Variants in APLF observed in about 807,000 individuals in gnomAD.
The protein encoded by APLF is aprataxin and PNKP like factor.
Under a neutral mutation model 55.6 loss-of-function variants are expected in APLF, and 61 were observed. The ratio of observed to expected loss-of-function variants is 1.10; its 90% confidence interval spans 0.89 to 1.36. The LOEUF (loss-of-function observed/expected upper bound fraction) is 1.36, where lower values mean the gene tolerates loss of function less well. Ranked by LOEUF, APLF falls within the 40% of genes most tolerant of loss-of-function variation. The pLI is 0.00. For missense variants in APLF, 611 were observed against 602.5 expected, an observed-to-expected ratio of 1.01 and a Z score of -0.15; for synonymous variants, 207 against 214.8, an observed-to-expected ratio of 0.96 and a Z score of 0.32.
chr2:68,497,936 G>A (rs1163295129), intron 2 of APLF, among the ~76,000 whole-genome samples: 1 of 152,130 alleles, frequency 6.6e-6, no homozygotes, highest in Non-Finnish European at 1.5e-5. Flanking sequence ...AACCAGACTA[G>A]CTAATAACCA....
At position 68,570,309 on chromosome 2, in the gene APLF, A is replaced by C. The variant is rs1409139172; in HGVS notation, c.1333+2922A>C. 5.3e-5 allele frequency among the ~76,000 whole-genome samples: 8 copies of C among 150,580 alleles called. 1 individual carries two copies. Among genetic ancestry groups the C allele is most frequent in the African/African-American group, 1.9e-4 (8 of 41,030 alleles). On this transcript the variant is annotated intron_variant, in intron 9 of 9. Transcript: ENST00000303795. ...TTTAATATATATATATATTTTTATTATGCTTTAAGTTCTAGGGTACATGTG... is the reference window on the plus strand; with the variant it reads ...TTTAATATATATATATATTTTTATTCTGCTTTAAGTTCTAGGGTACATGTG...
Position 68,538,138 on chromosome 2 carries a change from G to T in APLF, c.1071G>T (p.Leu357Phe). 1.9e-6 allele frequency: 3 copies of T among 1,614,092 alleles called. No homozygotes were observed. Among genetic ancestry groups the T allele is most frequent in the Non-Finnish European group, 2.5e-6 (3 of 1,179,990 alleles). ...CTAATCCCTCCAATCCTGAAACTTT[G>T]CATGCAAAGGCAACTGATTCAGTTC... is the stretch of plus-strand genomic sequence containing the variant. ...SSSNPSNPET[L>F]HAKATDSVLQ... is the part of the protein sequence containing the mutation. The change falls in exon 7 of 10, where the codon TTG becomes TTT. Residue 357 changes from leucine to phenylalanine, a missense_variant. Coordinates refer to ENST00000303795, the MANE Select transcript of APLF (RefSeq NM_173545.3).
chr2:68,472,828 T>C (rs543439756), intron 1 of APLF, among the ~76,000 whole-genome samples: 1 of 152,196 alleles, frequency 6.6e-6, no homozygotes, highest in South Asian at 2.1e-4. Context: ...TTACAAACAT[T>C]GTTTTTTAAT....
chr2:68,576,102 G>A (rs1440925920), intron 9 of APLF, among the ~76,000 whole-genome samples: 1 of 152,070 alleles, frequency 6.6e-6, no homozygotes, highest in Non-Finnish European at 1.5e-5. Flanking sequence ...TGTAAAGCTG[G>A]TAAGTGATTT....
At chr2:68,569,949 G>A (rs1671406207) in intron 9 of APLF, among the ~76,000 whole-genome samples, 1 of 151,798 alleles carries the variant, frequency 6.6e-6, no homozygotes, top group South Asian at 2.1e-4. Flanking sequence ...AATTTGAGGT[G>A]GGGGTATCAT....
At position 68,554,641 on chromosome 2, in the gene APLF, T is replaced by G. The variant is rs565097752; in HGVS notation, c.1286+9329T>G. Among the ~76,000 whole-genome samples the G allele has an allele frequency of 1.3e-4, 19 of 151,846 alleles. No homozygotes were observed. In the South Asian group the frequency reaches 1.9e-3, roughly 15 times the overall value. ...CCTTGGTTAGGTATATTCCTAAGTT[T>G]TTTTTTTTTTTGCAGCCATTATAAT... On this transcript the variant is annotated intron_variant, in intron 8 of 9. Transcript: ENST00000303795.
At chr2:68,546,701 C>T (rs1013539392) in intron 8 of APLF, among the ~76,000 whole-genome samples, 1 of 151,614 alleles carries the variant, frequency 6.6e-6, no homozygotes, top group Admixed American at 6.6e-5. Context: ...AAACCAAAAT[C>T]AGCATTCATT....
intron 2 of APLF, among the ~76,000 whole-genome samples, chr2:68,499,227 T>G (rs1676647313): frequency 6.6e-6 from 1 of 152,164 alleles, no homozygotes; most frequent in South Asian, 2.1e-4. Context: ...AAGTTTTAAT[T>G]TATAATCTCA....
intron 1 of APLF, among the ~76,000 whole-genome samples, chr2:68,468,818 G>C (rs1675517789): frequency 6.6e-6 from 1 of 152,138 alleles, no homozygotes; most frequent in Non-Finnish European, 1.5e-5. Context: ...TCTTGGGACC[G>C]GGGAGACACC....
In APLF at chr2:68,529,210, CGTG is replaced by C; in HGVS notation, c.804+2969_804+2971del. 8.0e-7 allele frequency: 1 copy of C among 1,254,442 alleles called. No homozygotes were observed. Among genetic ancestry groups the C allele is most frequent in the Non-Finnish European group, 1.1e-6 (1 of 927,922 alleles). The allele number at this position is 1,254,442 out of a possible 1,614,324, so 77.7% of individuals were successfully genotyped here. A position where few individuals can be genotyped will look rare whatever the true frequency, so the allele number is the denominator to read the frequency against. On this transcript the variant is annotated intron_variant, in intron 6 of 9. Transcript: ENST00000303795. This position sits in a 1 kb window ranked among gnomAD's most constrained non-coding sequence, Gnocchi z 4.4. ...GAGGCAGGACCCTCTGTGGGGTGCC[CGTG>C]TTCCAAGGGATAAGACACAGCCTCA...
At chr2:68,517,610 CACT>C (rs1396808275) in intron 5 of APLF, among the ~76,000 whole-genome samples, 5 of 142,576 alleles carry the variant, frequency 3.5e-5, no homozygotes, top group African/African-American at 1.3e-4. Context: ...AACAGTATAT[CACT>C]AATGTTATTA....
intron 2 of APLF, among the ~76,000 whole-genome samples, chr2:68,492,347 G>A (rs766425860): frequency 6.6e-6 from 1 of 152,024 alleles, no homozygotes; most frequent in Non-Finnish European, 1.5e-5. Context: ...GCACGGTGGT[G>A]GGCGCCTGTA....
At position 68,525,738 on chromosome 2, in the gene APLF, CTTTCTTTTTTTTTTTTTTTT is replaced by C. The variant is rs1379342369; in HGVS notation, c.623-319_623-300del. Among the ~76,000 whole-genome samples the C allele has an allele frequency of 8.8e-3, 944 of 106,838 alleles. 11 individuals are homozygous for C. Among genetic ancestry groups the C allele is most frequent in the African/African-American group, 0.042 (901 of 21,420 alleles). 70.1% of individuals were successfully genotyped at this position (106,838 alleles called of 152,430 possible). ...CCCTTTTATCCTTTTTATTTTCTTT[CTTTCTTTTTTTTTTTTTTTT>C]TTTTTTTTTAACACAGAGGCTCGCT... On this transcript the variant is annotated intron_variant, in intron 5 of 9. Coordinates refer to ENST00000303795, the MANE Select transcript of APLF (RefSeq NM_173545.3).
At chr2:68,567,105 A>T (rs1174775468) in intron 8 of APLF, among the ~76,000 whole-genome samples, 1 of 152,090 alleles carries the variant, frequency 6.6e-6, no homozygotes, top group Non-Finnish European at 1.5e-5. Context: ...CTAGAGTATA[A>T]GTTCTTGAGG....
At chr2:68,477,533 C>T (rs1011350712) in intron 1 of APLF, among the ~76,000 whole-genome samples, 4 of 151,792 alleles carry the variant, frequency 2.6e-5, no homozygotes, top group Non-Finnish European at 4.4e-5. Context: ...CCCAGCTACT[C>T]GGAGGCTGAG....
Position 68,537,961 on chromosome 2 carries a change from A to G in APLF, c.894A>G (p.Ile298Met), listed in dbSNP as rs181345434. The G allele has an allele frequency of 2.5e-5, 41 of 1,613,944 alleles. No individual in the cohort carries two copies. In the East Asian group the frequency reaches 6.2e-4, roughly 25 times the overall value. ...ATGCACAGAGAAACAAACTTCCAAT[A>G]GAGGAACTTGGTAAAGTTTCTAAAC... ...KTNAQRNKLP[I>M]EELGKVSKHK... is the part of the protein sequence containing the mutation. Residue 298 changes from isoleucine to methionine, a missense_variant, in exon 7 of 10, where the codon ATA becomes ATG. By Grantham distance (10) the Ile-to-Met change is conservative. Coordinates refer to ENST00000303795, the MANE Select transcript of APLF (RefSeq NM_173545.3).
chr2:68,467,768 G>T lies in APLF; in HGVS notation c.37G>T (p.Gly13Cys), dbSNP rs1279722296. ...CTTCGAGCTGCAGCCGCGGGACGGC[G>T]GTCCCCGGGTGGCCCTGGCGCCCGG... is the stretch of plus-strand genomic sequence containing the variant. ...GGFELQPRDG[G>C]PRVALAPGET... Residue 13 changes from glycine to cysteine, a missense_variant, in exon 1 of 10, where the codon GGT becomes TGT. Physicochemically the swap from Gly to Cys is radical, Grantham distance 159. Transcript: ENST00000303795. 1.6e-6 allele frequency: 2 copies of T among 1,234,416 alleles called. No individual in the cohort carries two copies. Among genetic ancestry groups the T allele is most frequent in the Non-Finnish European group, 2.0e-6 (2 of 988,066 alleles). The allele number at this position is 1,234,416 out of a possible 1,614,324, so 76.5% of individuals were successfully genotyped here. A position where few individuals can be genotyped will look rare whatever the true frequency, so the allele number is the denominator to read the frequency against.
At chr2:68,482,860 A>T (rs576876213) in intron 1 of APLF, among the ~76,000 whole-genome samples, 2 of 151,966 alleles carry the variant, frequency 1.3e-5, no homozygotes, top group Admixed American at 1.3e-4. Flanking sequence ...TGAGCTCACA[A>T]TGGTTTGGCT....
intron 2 of APLF, among the ~76,000 whole-genome samples, chr2:68,498,412 T>G (rs1244243109): frequency 1.3e-5 from 2 of 152,230 alleles, no homozygotes; most frequent in East Asian, 3.8e-4. Flanking sequence ...AAATCCAAAC[T>G]TACCACCAAA....
Sources: allele counts gnomAD v4.1 joint callset (sites outside exome capture counted in the v4.1 genomes callset), GRCh38; gene constraint gnomAD v4.1.1; non-coding constraint Gnocchi (gnomAD v3.1); transcripts MANE v1.5; gene names NCBI Gene and HGNC (gene_info 2026-07-23, HGNC 2026-07-21).